ECT2L: variants seen among roughly 807,000 people sequenced by gnomAD.
The protein encoded by ECT2L is epithelial cell-transforming sequence 2 oncogene-like.
A neutral mutation model predicts 122.8 loss-of-function variants in ECT2L; 126 were observed. The observed-to-expected ratio is 1.03, with a 90% CI of 0.89 to 1.19. The LOEUF is 1.19. ECT2L is among the 50% of genes most tolerant of loss of function. The probability of loss-of-function intolerance (pLI) is 0.00; values close to 1 mark genes in which losing one functional copy is unlikely to be tolerated. For missense variants in ECT2L, 1,012 were observed against 1,064.1 expected, an observed-to-expected ratio of 0.95 and a Z score of 0.68; for synonymous variants, 385 against 381.8, an observed-to-expected ratio of 1.01 and a Z score of -0.10.
chr6:138,842,972 T>A lies in ECT2L; in HGVS notation c.343-7T>A. 3 of 1,477,366 alleles carry A rather than the reference T, an allele frequency of 2.0e-6. 1 individual carries two copies. Among genetic ancestry groups the A allele is most frequent in the Non-Finnish European group, 2.7e-6 (3 of 1,101,342 alleles). 91.5% of individuals were successfully genotyped at this position (1,477,366 alleles called of 1,614,324 possible). A position where few individuals can be genotyped will look rare whatever the true frequency, so the allele number is the denominator to read the frequency against. The stretch of plus-strand genomic sequence containing the variant: ...ATTTGTGACTCATCTTCCTCTTGTT[T>A]CTGAAGGATTGCTTATGGATGCCCA... On this transcript the variant is annotated splice_polypyrimidine_tract_variant and splice_region_variant and intron_variant, in intron 5 of 21. Transcript: ENST00000541398.
chr6:138,858,697 CTTTTTTTTTTTTTTTTT>C (rs35946003), intron 10 of ECT2L, among the ~76,000 whole-genome samples: 1 of 59,324 alleles, frequency 1.7e-5, no homozygotes, highest in African/African-American at 7.0e-5. Flanking sequence ...TAGAATTTTC[CTTTTTTTTTTTTTTTTT>C]TTTTTTTTTT....
intron 13 of ECT2L, among the ~76,000 whole-genome samples, chr6:138,874,529 G>A (rs1778373160): frequency 6.6e-6 from 1 of 152,166 alleles, no homozygotes; most frequent in South Asian, 2.1e-4. Context: ...AGTTGCTGCT[G>A]AGCCGGAATG....
At chr6:138,837,956 A>G (rs911139125) in intron 4 of ECT2L, among the ~76,000 whole-genome samples, 1 of 150,282 alleles carries the variant, frequency 6.7e-6, no homozygotes, top group African/African-American at 2.5e-5. Flanking sequence ...GCTGGAGTGC[A>G]GTAGCACGGT....
intron 13 of ECT2L, among the ~76,000 whole-genome samples, chr6:138,875,486 T>C (rs895297034): frequency 2.0e-5 from 3 of 152,222 alleles, no homozygotes; most frequent in Non-Finnish European, 2.9e-5. Flanking sequence ...ATAACGACCA[T>C]TGACCATCAT....
intron 1 of ECT2L, among the ~76,000 whole-genome samples, chr6:138,809,969 T>C (rs573044115): frequency 6.6e-6 from 1 of 152,304 alleles, no homozygotes; most frequent in East Asian, 1.9e-4. Context: ...ATCTATGTGA[T>C]GCAGTGGGAA....
chr6:138,813,406 G>T, intron 3 of ECT2L, 66 bp downstream of exon 3: 5 of 1,239,126 alleles, frequency 4.0e-6, no homozygotes, highest in Admixed American at 4.7e-5. Context: ...TGATATATTG[G>T]GTCTCATGTT....
intron 4 of ECT2L, among the ~76,000 whole-genome samples, chr6:138,821,494 GC>G (rs1310693575): frequency 4.6e-5 from 7 of 152,160 alleles, no homozygotes; most frequent in African/African-American, 1.4e-4. Context: ...ACTCGTTTAG[GC>G]CCATGCCCAC....
At chr6:138,850,873 T>C (rs1777414742) in intron 9 of ECT2L, among the ~76,000 whole-genome samples, 1 of 151,596 alleles carries the variant, frequency 6.6e-6, no homozygotes, top group African/African-American at 2.4e-5. Flanking sequence ...TGGTAGTACA[T>C]GCCTGAAATC....
In ECT2L at chr6:138,903,765, A is replaced by T. The variant is rs1186986592; in HGVS notation, c.*1138A>T. ...TATTTAACAACTAAAGCCATACTGA[A>T]AGCCACTTGGAAACTTCAGCTGATG... On this transcript the variant is annotated 3_prime_UTR_variant, in exon 22 of 22. Coordinates refer to ENST00000541398, the MANE Select transcript of ECT2L (RefSeq NM_001077706.3). 2 of 152,162 alleles carry T rather than the reference A, an allele frequency of 1.3e-5. No individual in the cohort carries two copies. Among genetic ancestry groups the T allele is most frequent in the Non-Finnish European group, 2.9e-5 (2 of 68,018 alleles). 9.4% of individuals were successfully genotyped at this position (152,162 alleles called of 1,614,324 possible).
intron 3 of ECT2L, 143 bp downstream of exon 3, chr6:138,813,483 C>T: frequency 1.5e-6 from 1 of 673,204 alleles, no homozygotes; most frequent in Non-Finnish European, 2.4e-6. Flanking sequence ...ATAAACTTAG[C>T]TTTGTCCCAA....
intron 1 of ECT2L, among the ~76,000 whole-genome samples, chr6:138,796,551 G>T (rs1230390160): frequency 1.3e-5 from 2 of 151,586 alleles, no homozygotes; most frequent in Non-Finnish European, 2.9e-5. Context: ...CCTTCTGACA[G>T]TTCTCTCCCT....
intron 1 of ECT2L, among the ~76,000 whole-genome samples, chr6:138,800,341 G>A (rs982676851): frequency 6.6e-6 from 1 of 152,184 alleles, no homozygotes; most frequent in African/African-American, 2.4e-5. Context: ...TTTAGCTTCT[G>A]TAGAAAAGAC....
At chr6:138,855,181 T>G (rs116284120) in intron 10 of ECT2L, among the ~76,000 whole-genome samples, 1 of 151,596 alleles carries the variant, frequency 6.6e-6, no homozygotes, top group Admixed American at 6.6e-5. Flanking sequence ...TATATTTATA[T>G]ACATATATAT....
chr6:138,876,595 TG>T, intron 14 of ECT2L, 37 bp downstream of exon 14: 1 of 1,390,102 alleles, frequency 7.2e-7, no homozygotes, highest in Admixed American at 1.9e-5. Flanking sequence ...CCATTGGTTT[TG>T]CTCCTGATAG....
At position 138,846,729 on chromosome 6, in the gene ECT2L, T is replaced by C. The variant is rs747307455; in HGVS notation, c.903+52T>C. On this transcript the variant is annotated intron_variant, in intron 8 of 21. Coordinates refer to ENST00000541398, the MANE Select transcript of ECT2L (RefSeq NM_001077706.3). The stretch of plus-strand genomic sequence containing the variant: ...GTCCTGATTGTTTTTTTGTTTTTTG[T>C]TTTTTTTCATCTAGACTAGAGGGTG... 9 of 1,405,820 alleles carry C rather than the reference T, an allele frequency of 6.4e-6. No individual in the cohort carries two copies. In the South Asian group the frequency reaches 1.7e-4, roughly 26 times the overall value. 87.1% of individuals were successfully genotyped at this position (1,405,820 alleles called of 1,614,324 possible).
intron 4 of ECT2L, among the ~76,000 whole-genome samples, chr6:138,833,013 T>C (rs35802975): frequency 0.34 from 50,994 of 151,836 alleles, 9,267 homozygotes; most frequent in South Asian, 0.47. Context: ...ACATCTTACC[T>C]GGCGGCAGGC....
At chr6:138,821,942 G>A (rs776943720) in intron 4 of ECT2L, among the ~76,000 whole-genome samples, 6 of 152,246 alleles carry the variant, frequency 3.9e-5, no homozygotes, top group Non-Finnish European at 7.3e-5. Flanking sequence ...CAGCTGCCAG[G>A]AGCAGGAAAA....
chr6:138,821,422 C>T (rs190865767), intron 4 of ECT2L, among the ~76,000 whole-genome samples: 285 of 152,214 alleles, frequency 1.9e-3, no homozygotes, highest in Admixed American at 0.015. Flanking sequence ...TTTCTCCTTC[C>T]ATTCCCTCAG....
At chr6:138,859,629 G>A (rs780667829) in intron 10 of ECT2L, among the ~76,000 whole-genome samples, 1 of 152,062 alleles carries the variant, frequency 6.6e-6, no homozygotes, top group Admixed American at 6.6e-5. Context: ...TCCTAATGAC[G>A]AATGATGCTC....
Sources: allele counts gnomAD v4.1 joint callset (sites outside exome capture counted in the v4.1 genomes callset), GRCh38; gene constraint gnomAD v4.1.1; transcripts MANE v1.5; gene names NCBI Gene and HGNC (gene_info 2026-07-23, HGNC 2026-07-21).